The following CMSS1 variants were observed in gnomAD, a reference collection of about 807,000 sequenced individuals.
The protein encoded by CMSS1 is protein CMSS1.
In CMSS1, 33 loss-of-function variants were observed where a neutral mutation model predicts 43.5. The ratio of observed to expected loss-of-function variants is 0.76; its 90% CI spans 0.57 to 1.01. The LOEUF (loss-of-function observed/expected upper bound fraction) is 1.01. Ranked by LOEUF, CMSS1 falls within the 50% of genes least tolerant of loss-of-function variation. The pLI is 0.00. For missense variants in CMSS1, 313 were observed against 326.4 expected (o/e 0.96, Z 0.32); for synonymous variants, 115 against 117.2 (o/e 0.98, Z 0.12).
At chr3:100,125,668 T>C (rs1201796996) in intron 1 of CMSS1, among the ~76,000 whole-genome samples, 2 of 152,258 alleles carry the variant, frequency 1.3e-5, no homozygotes, top group Admixed American at 1.3e-4. Context: ...ATTTTCTATT[T>C]CTGGATTTGT....
chr3:99,940,293 C>A (rs1368257548), intron 1 of CMSS1, among the ~76,000 whole-genome samples: 1 of 152,208 alleles, frequency 6.6e-6, no homozygotes, highest in African/African-American at 2.4e-5. Flanking sequence ...TGCCACACTT[C>A]CAACCCTAGA....
chr3:100,168,218 A>C (rs2067080693), intron 6 of CMSS1, among the ~76,000 whole-genome samples: 1 of 152,194 alleles, frequency 6.6e-6, no homozygotes, highest in Admixed American at 6.5e-5. Flanking sequence ...GAGAGTAAGC[A>C]CAAAAGACCC....
intron 1 of CMSS1, among the ~76,000 whole-genome samples, chr3:100,031,429 A>G (rs888730960): frequency 6.6e-6 from 1 of 152,086 alleles, no homozygotes; most frequent in African/African-American, 2.4e-5. Flanking sequence ...AGTTGGTGGT[A>G]GGGTTCACAT....
At chr3:99,828,876 C>T (rs1356727843) in intron 1 of CMSS1, among the ~76,000 whole-genome samples, 1 of 151,688 alleles carries the variant, frequency 6.6e-6, no homozygotes, top group Non-Finnish European at 1.5e-5. Context: ...CTGCCACTTG[C>T]CTGCTGGGAC....
Position 99,854,192 on chromosome 3 carries a change from GCCT to G in CMSS1, c.64+36153_64+36155del, listed in dbSNP as rs769124597. ...TAGGGTGAGGAGGGTGTGGAGTTGA[GCCT>G]CCTAAGCCTGCTTCCTACTTTGAGT... On this transcript the variant is annotated intron_variant, in intron 1 of 9. Transcript: ENST00000421999. Among the ~76,000 whole-genome samples, 57 of 152,290 alleles carry G rather than the reference GCCT, an allele frequency of 3.7e-4. 1 individual carries two copies. The highest frequency in any genetic ancestry group is 1.2e-3 in the South Asian group (6 of 4,824).
rs1559686863 is a variant in CMSS1, at chr3:99,916,455, CACA to C, written c.64+98413_64+98415del. On this transcript the variant is annotated intron_variant, in intron 1 of 9. Transcript: ENST00000421999. ...CGGTTTATACACACACACACACACA[CACA>C]CACACACACACACACACACACACAC... is the stretch of plus-strand genomic sequence containing the variant. Among the ~76,000 whole-genome samples, 1,065 of 151,088 alleles carry C rather than the reference CACA, an allele frequency of 7.0e-3. 19 individuals carry two copies. The highest frequency in any genetic ancestry group is 0.024 in the African/African-American group (981 of 41,138).
At chr3:99,827,825 G>A (rs1318538601) in intron 1 of CMSS1, among the ~76,000 whole-genome samples, 6 of 151,564 alleles carry the variant, frequency 4.0e-5, no homozygotes, top group African/African-American at 9.7e-5. Flanking sequence ...AGCTGGTCTC[G>A]AACTCCCAAC....
chr3:99,923,576 C>G (rs534745544), intron 1 of CMSS1, among the ~76,000 whole-genome samples: 4 of 152,330 alleles, frequency 2.6e-5, no homozygotes, highest in African/African-American at 7.2e-5. Flanking sequence ...GCACACCCCC[C>G]TCCCAACCTC....
chr3:100,175,190 A>G lies in CMSS1; in HGVS notation c.668-1137A>G, dbSNP rs190496610. On this transcript the variant is annotated intron_variant, in intron 8 of 9. Coordinates refer to ENST00000421999, the MANE Select transcript of CMSS1 (RefSeq NM_032359.4). ...TGTTGCTATTATAAATAATGTGGCA[A>G]TGATCATTTTTGCAAGTAGCTATGT... Among the ~76,000 whole-genome samples the G allele has an allele frequency of 5.3e-3, 813 of 152,270 alleles. 13 individuals carry two copies. The highest frequency in any genetic ancestry group is 0.018 in the African/African-American group (767 of 41,558).
chr3:99,958,025 ATATAAAGGC>A (rs1461581892), intron 1 of CMSS1, among the ~76,000 whole-genome samples: 2 of 148,878 alleles, frequency 1.3e-5, no homozygotes, highest in African/African-American at 4.9e-5. Flanking sequence ...TCATATGTTT[ATATAAAGGC>A]TCAATGGGCT....
At chr3:99,909,665 T>G (rs1004455650) in intron 1 of CMSS1, among the ~76,000 whole-genome samples, 2 of 152,204 alleles carry the variant, frequency 1.3e-5, no homozygotes, top group African/African-American at 4.8e-5. Flanking sequence ...TGTGTCATGT[T>G]TTTCATCATA....
chr3:100,031,124 T>C (rs2065015355), intron 1 of CMSS1, among the ~76,000 whole-genome samples: 1 of 152,190 alleles, frequency 6.6e-6, no homozygotes, highest in African/African-American at 2.4e-5. Context: ...TAGAACATAT[T>C]TTCCTAGACA....
intron 1 of CMSS1, among the ~76,000 whole-genome samples, chr3:99,917,439 A>G (rs1706988415): frequency 1.3e-5 from 2 of 152,142 alleles, no homozygotes; most frequent in Admixed American, 6.6e-5. Context: ...AATATCATCA[A>G]ATATATTGTC....
At chr3:99,838,576 G>C (rs1482879119) in intron 1 of CMSS1, among the ~76,000 whole-genome samples, 1 of 152,142 alleles carries the variant, frequency 6.6e-6, no homozygotes, top group Non-Finnish European at 1.5e-5. Context: ...TAGACAATCT[G>C]TCTGTCACCA....
At chr3:100,041,828 C>A (rs2065209750) in intron 1 of CMSS1, among the ~76,000 whole-genome samples, 1 of 152,120 alleles carries the variant, frequency 6.6e-6, no homozygotes, top group East Asian at 1.9e-4. Flanking sequence ...TGATTTATCT[C>A]ACCTTTTTCT....
At chr3:100,168,980 C>G (rs1208598695) in intron 6 of CMSS1, among the ~76,000 whole-genome samples, 1 of 151,766 alleles carries the variant, frequency 6.6e-6, no homozygotes, top group Non-Finnish European at 1.5e-5. Flanking sequence ...CTGGCACATG[C>G]ATGACAGATC....
chr3:99,909,038 A>C (rs534249008), intron 1 of CMSS1, among the ~76,000 whole-genome samples: 303 of 152,310 alleles, frequency 2.0e-3, no homozygotes, highest in African/African-American at 6.8e-3. Flanking sequence ...TTGTGTGTGC[A>C]TGTGTGTGTG....
chr3:99,978,420 T>C (rs1435593661), intron 1 of CMSS1, among the ~76,000 whole-genome samples: 2 of 151,986 alleles, frequency 1.3e-5, no homozygotes, highest in Admixed American at 6.6e-5. Context: ...AAAGAAAATG[T>C]GGTATATCTA....
intron 1 of CMSS1, among the ~76,000 whole-genome samples, chr3:99,998,860 C>T (rs147008605): frequency 0.012 from 1,791 of 152,318 alleles, 23 homozygotes; most frequent in African/African-American, 0.026. Context: ...TGAGCCACCG[C>T]GCCCGGCCAT....
Sources: gnomAD v4.1 joint callset for allele counts (sites outside exome capture counted in the v4.1 genomes callset) on GRCh38, gnomAD v4.1.1 for gene constraint, MANE v1.5 for transcripts, NCBI Gene and HGNC (gene_info 2026-07-23, HGNC 2026-07-21) for gene names.